LRMDA: variants seen among roughly 807,000 people sequenced by gnomAD.
LRMDA encodes leucine rich melanocyte differentiation associated.
In LRMDA, 18 loss-of-function variants were observed where a neutral mutation model predicts 29.8. That is an observed-to-expected ratio of 0.60 (90% CI 0.42 to 0.90). The LOEUF (loss-of-function observed/expected upper bound fraction) is 0.90, where lower values mean the gene tolerates loss of function less well. Ranked by LOEUF, LRMDA falls within the 40% of genes least tolerant of loss-of-function variation. The pLI, the probability that LRMDA is intolerant of heterozygous loss-of-function variation, is 0.00. For synonymous variants in LRMDA, 125 were observed against 109.4 expected (o/e 1.14, Z -0.89); for missense variants, 273 against 273.9 (o/e 1.00, Z 0.02).
chr10:76,222,991 T>C (rs1395815918), intron 5 of LRMDA, among the ~76,000 whole-genome samples: 1 of 152,032 alleles, frequency 6.6e-6, no homozygotes, highest in Non-Finnish European at 1.5e-5. Flanking sequence ...TTGGAAATCA[T>C]CATTCTCAGT....
At chr10:76,394,465 T>A (rs996393624) in intron 6 of LRMDA, among the ~76,000 whole-genome samples, 6 of 152,196 alleles carry the variant, frequency 3.9e-5, no homozygotes, top group African/African-American at 1.4e-4. Flanking sequence ...TAAAGATTCT[T>A]CACATGTATC....
At chr10:75,976,136 G>A (rs1397514908) in intron 2 of LRMDA, among the ~76,000 whole-genome samples, 2 of 152,240 alleles carry the variant, frequency 1.3e-5, no homozygotes, top group African/African-American at 4.8e-5. Flanking sequence ...ACAAGGCCTG[G>A]TCTGGTCTGG....
In LRMDA at chr10:76,491,042, A is replaced by G. The variant is rs569831329; in HGVS notation, c.602-66167A>G. On this transcript the variant is annotated intron_variant, in intron 6 of 6. Coordinates refer to ENST00000611255, the MANE Select transcript of LRMDA (RefSeq NM_001305581.2). ...AACACTAATTGCATCAACAAACAAA[A>G]GGAAAACTAATAAAAAATCAGCACA... Among the ~76,000 whole-genome samples, 2 of 152,126 alleles carry G rather than the reference A, an allele frequency of 1.3e-5. 1 individual carries two copies. Among genetic ancestry groups the G allele is most frequent in the South Asian group, 4.1e-4 (2 of 4,828 alleles).
intron 2 of LRMDA, among the ~76,000 whole-genome samples, chr10:75,597,944 C>T (rs1217360828): frequency 6.6e-6 from 1 of 151,886 alleles, no homozygotes; most frequent in Non-Finnish European, 1.5e-5. Context: ...CGAGGGGACG[C>T]CTGAGGGGGA....
intron 2 of LRMDA, among the ~76,000 whole-genome samples, chr10:75,520,147 A>AGGTTG (rs1474166948): frequency 1.3e-5 from 2 of 152,038 alleles, no homozygotes; most frequent in Admixed American, 1.3e-4. Flanking sequence ...GAATCTGACA[A>AGGTTG]TTATGTGTCT....
intron 2 of LRMDA, among the ~76,000 whole-genome samples, chr10:75,835,738 G>C (rs1844422962): frequency 6.6e-6 from 1 of 152,216 alleles, no homozygotes; most frequent in Non-Finnish European, 1.5e-5. Context: ...ATTAAACTGA[G>C]TGATGGCTAA....
chr10:75,731,363 T>G (rs1842694698), intron 2 of LRMDA, among the ~76,000 whole-genome samples: 1 of 152,248 alleles, frequency 6.6e-6, no homozygotes, highest in African/African-American at 2.4e-5. Context: ...TTTAGCACTT[T>G]CTGTGTATCA....
At chr10:76,095,265 C>T (rs1849295922) in intron 5 of LRMDA, among the ~76,000 whole-genome samples, 1 of 152,176 alleles carries the variant, frequency 6.6e-6, no homozygotes, top group Non-Finnish European at 1.5e-5. Context: ...TTTTACTTAT[C>T]ATAACGCATG....
intron 2 of LRMDA, among the ~76,000 whole-genome samples, chr10:75,649,369 A>G (rs1182316413): frequency 6.6e-6 from 1 of 152,228 alleles, no homozygotes; most frequent in Non-Finnish European, 1.5e-5. Context: ...CAGTTGGGTT[A>G]CTTCCACCTT....
chr10:75,792,084 C>T (rs1179951876), intron 2 of LRMDA, among the ~76,000 whole-genome samples: 1 of 151,876 alleles, frequency 6.6e-6, no homozygotes, highest in Non-Finnish European at 1.5e-5. Flanking sequence ...TGGTCTCCAT[C>T]TCCTGACCTC....
intron 5 of LRMDA, among the ~76,000 whole-genome samples, chr10:76,086,999 C>T (rs1159067975): frequency 1.3e-5 from 2 of 152,084 alleles, no homozygotes; most frequent in Non-Finnish European, 1.5e-5. Context: ...TTGGCTTGTC[C>T]GACAGAAATA....
intron 6 of LRMDA, among the ~76,000 whole-genome samples, chr10:76,410,318 T>C (rs1008008078): frequency 2.2e-5 from 3 of 135,588 alleles, no homozygotes; most frequent in African/African-American, 5.6e-5. Context: ...TTTTTTTTTT[T>C]TTTTTTTTGA....
chr10:75,568,126 A>G (rs1054161875), intron 2 of LRMDA, among the ~76,000 whole-genome samples: 10 of 152,210 alleles, frequency 6.6e-5, no homozygotes, highest in Non-Finnish European at 1.5e-4. Flanking sequence ...GGTATGGCTG[A>G]GTGTGAAGAG....
intron 5 of LRMDA, among the ~76,000 whole-genome samples, chr10:76,077,146 C>G (rs1362657559): frequency 6.6e-6 from 1 of 152,126 alleles, no homozygotes; most frequent in Non-Finnish European, 1.5e-5. Context: ...GCTGAGGATG[C>G]AGCACCAGGG....
At chr10:76,382,885 C>G (rs963648804) in intron 6 of LRMDA, among the ~76,000 whole-genome samples, 1 of 152,212 alleles carries the variant, frequency 6.6e-6, no homozygotes, top group African/African-American at 2.4e-5. Context: ...TTTCTGATCA[C>G]TCTACCCAGA....
intron 2 of LRMDA, among the ~76,000 whole-genome samples, chr10:76,001,853 C>T (rs1340535681): frequency 6.6e-6 from 1 of 152,116 alleles, no homozygotes; most frequent in Admixed American, 6.5e-5. Flanking sequence ...TTGTATACTG[C>T]AACATTTGCT....
At chr10:76,263,990 T>C (rs1839974161) in intron 5 of LRMDA, among the ~76,000 whole-genome samples, 1 of 152,220 alleles carries the variant, frequency 6.6e-6, no homozygotes, top group Admixed American at 6.5e-5. Flanking sequence ...ACTTTGGAAC[T>C]ACTGCCATTT....
chr10:76,556,890 C>T (rs2579764), intron 6 of LRMDA, among the ~76,000 whole-genome samples: 1 of 152,158 alleles, frequency 6.6e-6, no homozygotes, highest in African/African-American at 2.4e-5. Context: ...GGGAAACTGG[C>T]GTGAGGAGAG....
chr10:75,683,710 T>C (rs1402952786), intron 2 of LRMDA, among the ~76,000 whole-genome samples: 1 of 152,346 alleles, frequency 6.6e-6, no homozygotes, highest in South Asian at 2.1e-4. Context: ...TTTATTATCA[T>C]GGTGGACTTG....
Sources: allele counts gnomAD v4.1 joint callset (sites outside exome capture counted in the v4.1 genomes callset), GRCh38; gene constraint gnomAD v4.1.1; transcripts MANE v1.5; gene names NCBI Gene and HGNC (gene_info 2026-07-23, HGNC 2026-07-21).